Variants in PTPRM observed in about 807,000 individuals in gnomAD.
The protein encoded by PTPRM is receptor-type tyrosine-protein phosphatase mu.
A neutral mutation model predicts 186.7 loss-of-function variants in PTPRM; 47 were observed. The ratio of observed to expected loss-of-function variants is 0.25; its 90% confidence interval spans 0.20 to 0.32. The LOEUF is 0.32. Among genes scored for constraint, PTPRM ranks in the 10% least tolerant of loss-of-function variants. PTPRM has a pLI of 1.00. For synonymous variants in PTPRM, 668 were observed against 674.9 expected, an observed-to-expected ratio of 0.99 and a Z score of 0.16; for missense variants, 1,494 against 1,865.0, an observed-to-expected ratio of 0.80 and a Z score of 3.66.
At chr18:7,905,460 A>G (rs1459121609) in intron 3 of PTPRM, among the ~76,000 whole-genome samples, 1 of 152,044 alleles carries the variant, frequency 6.6e-6, no homozygotes, top group Non-Finnish European at 1.5e-5. Flanking sequence ...GGACATTTTT[A>G]TATTATTTTC....
At chr18:8,228,638 G>A (rs1187138049) in intron 14 of PTPRM, among the ~76,000 whole-genome samples, 6 of 148,802 alleles carry the variant, frequency 4.0e-5, no homozygotes, top group Non-Finnish European at 4.4e-5. Flanking sequence ...TCAGGAGATC[G>A]ATACCATCCT....
intron 14 of PTPRM, among the ~76,000 whole-genome samples, chr18:8,174,519 A>T (rs1291011935): frequency 6.6e-6 from 1 of 152,200 alleles, no homozygotes; most frequent in Non-Finnish European, 1.5e-5. Context: ...GATTTGATGA[A>T]AGAATTATCA....
rs1047182237 is a variant in PTPRM, at chr18:7,568,349, C to A, written c.73+458C>A. ...CCAGGCCGCTGGTGTTCGGCTGCGC[C>A]CGCAGCGATCGCCGGGAACTGGCGG... On this transcript the variant is annotated intron_variant, in intron 1 of 32. Transcript: ENST00000580170. This position sits in a 1 kb window ranked among gnomAD's most constrained non-coding sequence, Gnocchi z 5.1. Among the ~76,000 whole-genome samples the A allele has an allele frequency of 1.3e-5, 2 of 151,830 alleles. No homozygotes were observed. Among genetic ancestry groups the A allele is most frequent in the Non-Finnish European group, 1.5e-5 (1 of 67,928 alleles).
intron 7 of PTPRM, among the ~76,000 whole-genome samples, chr18:8,036,521 T>C (rs535043518): frequency 1.3e-5 from 2 of 152,328 alleles, no homozygotes; most frequent in African/African-American, 2.4e-5. Flanking sequence ...GGTGCAAAAA[T>C]GGTAAATTGA....
chr18:7,985,046 T>C (rs1429808744), intron 7 of PTPRM, among the ~76,000 whole-genome samples: 4 of 127,042 alleles, frequency 3.1e-5, no homozygotes, highest in South Asian at 4.7e-4. Context: ...TATATACATA[T>C]AATTATATAT....
intron 6 of PTPRM, among the ~76,000 whole-genome samples, chr18:7,951,205 A>ACTTTC (rs2052928997): frequency 6.6e-6 from 1 of 152,222 alleles, no homozygotes; most frequent in Non-Finnish European, 1.5e-5. Flanking sequence ...GTGCTCTGGC[A>ACTTTC]AGTGAGACAT....
intron 1 of PTPRM, among the ~76,000 whole-genome samples, chr18:7,576,767 G>C (rs1280434660): frequency 6.6e-6 from 1 of 152,132 alleles, no homozygotes; most frequent in East Asian, 1.9e-4. Flanking sequence ...CACTCTGCCT[G>C]GCCCAGCCTG....
intron 4 of PTPRM, among the ~76,000 whole-genome samples, chr18:7,914,577 C>G (rs1433857628): frequency 6.6e-6 from 1 of 151,842 alleles, no homozygotes; most frequent in Non-Finnish European, 1.5e-5. Flanking sequence ...GAATTTATCA[C>G]AATGCTTACC....
At chr18:8,402,660 C>T (rs950207774) in intron 32 of PTPRM, among the ~76,000 whole-genome samples, 11 of 152,154 alleles carry the variant, frequency 7.2e-5, no homozygotes, top group Non-Finnish European at 1.6e-4. Context: ...ATGATGGGAG[C>T]ACTTCACAGC....
At chr18:7,718,964 C>A in intron 1 of PTPRM, among the ~76,000 whole-genome samples, 1 of 152,126 alleles carries the variant, frequency 6.6e-6, no homozygotes, top group East Asian at 1.9e-4. Context: ...TAAACTAGTA[C>A]AACCACTATG....
At chr18:7,963,166 G>A (rs1392473636) in intron 7 of PTPRM, among the ~76,000 whole-genome samples, 3 of 152,194 alleles carry the variant, frequency 2.0e-5, no homozygotes, top group Non-Finnish European at 4.4e-5. Flanking sequence ...GATACTTTGG[G>A]TCACGTCACC....
chr18:7,633,217 AAG>A (rs1338225124), intron 1 of PTPRM, among the ~76,000 whole-genome samples: 4 of 152,164 alleles, frequency 2.6e-5, no homozygotes, highest in Non-Finnish European at 4.4e-5. Context: ...TTGCAAAAAT[AAG>A]AGAGTCCAAG....
At chr18:7,990,690 A>T (rs1416487592) in intron 7 of PTPRM, among the ~76,000 whole-genome samples, 1 of 152,164 alleles carries the variant, frequency 6.6e-6, no homozygotes, top group African/African-American at 2.4e-5. Flanking sequence ...GGAGGTATAC[A>T]TGTAGACAGT....
At chr18:7,810,776 A>T (rs2044470747) in intron 2 of PTPRM, among the ~76,000 whole-genome samples, 1 of 152,222 alleles carries the variant, frequency 6.6e-6, no homozygotes, top group Non-Finnish European at 1.5e-5. Context: ...CCTATTTTAT[A>T]TAAATTCAGC....
chr18:8,036,101 C>G (rs977353656), intron 7 of PTPRM, among the ~76,000 whole-genome samples: 1 of 152,278 alleles, frequency 6.6e-6, no homozygotes, highest in Middle Eastern at 3.4e-3. Context: ...GTTGCATCAA[C>G]TGGTGGTGGT....
chr18:7,606,663 G>A (rs1431754287), intron 1 of PTPRM, among the ~76,000 whole-genome samples: 2 of 152,152 alleles, frequency 1.3e-5, no homozygotes, highest in Non-Finnish European at 2.9e-5. Flanking sequence ...GGAGGTGAGC[G>A]AGGTGGTTTT....
chr18:7,884,952 G>A (rs796990330), intron 2 of PTPRM, among the ~76,000 whole-genome samples: 2,676 of 76,176 alleles, frequency 0.035, 62 homozygotes, highest in Middle Eastern at 0.11. Flanking sequence ...AAAAAAAAAA[G>A]GAGAGAGAGA....
At chr18:7,589,985 G>T (rs902993779) in intron 1 of PTPRM, among the ~76,000 whole-genome samples, 15 of 152,152 alleles carry the variant, frequency 9.9e-5, no homozygotes, top group African/African-American at 3.4e-4. Context: ...TTACACTTGG[G>T]TGGTCTTTCC....
chr18:8,194,642 G>A (rs1278081021), intron 14 of PTPRM, among the ~76,000 whole-genome samples: 1 of 152,238 alleles, frequency 6.6e-6, no homozygotes, highest in East Asian at 1.9e-4. Context: ...TTATGGCATA[G>A]GCAGCCTGGA....
Sources: gnomAD v4.1 joint callset for allele counts (sites outside exome capture counted in the v4.1 genomes callset) on GRCh38, gnomAD v4.1.1 for gene constraint, Gnocchi (gnomAD v3.1) non-coding constraint, MANE v1.5 for transcripts, NCBI Gene and HGNC (gene_info 2026-07-23, HGNC 2026-07-21) for gene names.